The following CTSS variants were observed in gnomAD, a reference collection of about 807,000 sequenced individuals.
CTSS encodes cathepsin S.
Under a neutral mutation model 39.9 loss-of-function variants are expected in CTSS, and 15 were observed. That is an observed-to-expected ratio of 0.38 (90% confidence interval 0.25 to 0.58). The LOEUF (loss-of-function observed/expected upper bound fraction) is 0.58. Ranked by LOEUF, CTSS falls within the 20% of genes least tolerant of loss-of-function variation. The pLI, the probability that CTSS is intolerant of heterozygous loss-of-function variation, is 0.70. For missense variants in CTSS, 250 were observed against 398.2 expected (o/e 0.63, Z 3.17); for synonymous variants, 126 against 138.2 (o/e 0.91, Z 0.62).
At position 150,731,644 on chromosome 1, in the gene CTSS, G is replaced by C. The variant is rs1461004245; in HGVS notation, c.*1402C>G. The C allele has an allele frequency of 1.3e-5, 2 of 152,126 alleles. No homozygotes were observed. Among genetic ancestry groups the C allele is most frequent in the African/African-American group, 2.4e-5 (1 of 41,430 alleles). 9.4% of individuals were successfully genotyped at this position (152,126 alleles called of 1,614,324 possible). ...TGAACTTAAAAAATTTAAAGTTCCTGCTGCCTGCTTAGATGCATCTACTAA... is the reference window on the plus strand; with the variant it reads ...TGAACTTAAAAAATTTAAAGTTCCTCCTGCCTGCTTAGATGCATCTACTAA... On this transcript the variant is annotated 3_prime_UTR_variant, in exon 8 of 8. Transcript: ENST00000368985.
At chr1:150,751,701 C>CA in intron 5 of CTSS, 80 bp downstream of exon 5, 1 of 1,262,038 alleles carries the variant, frequency 7.9e-7, no homozygotes, top group Non-Finnish European at 1.1e-6. Flanking sequence ...AAGCAATTGG[C>CA]ATGGTGGCAA....
rs1289931981 is a variant in CTSS at position 150,732,185 on chromosome 1, AC to A, written c.*860del. ...TTCAGCCTCCCAAAGTGTTGGGATT[AC>A]AGGCATGAGCCACTACACGTGGCGT... On this transcript the variant is annotated 3_prime_UTR_variant, in exon 8 of 8. Transcript: ENST00000368985. 2 of 152,318 alleles carry A rather than the reference AC, an allele frequency of 1.3e-5. No individual in the cohort carries two copies. The highest frequency in any genetic ancestry group is 4.8e-5 in the African/African-American group (2 of 41,446). 9.4% of individuals were successfully genotyped at this position (152,318 alleles called of 1,614,324 possible).
At position 150,730,899 on chromosome 1, in the gene CTSS, T is replaced by C. The variant is rs1652505480; in HGVS notation, c.*2147A>G. The C allele has an allele frequency of 6.6e-6, 1 of 152,076 alleles. No individual in the cohort carries two copies. The allele number at this position is 152,076 out of a possible 1,614,324, so 9.4% of individuals were successfully genotyped here. Reference sequence around the variant, plus strand: ...CATGCATATTAATATATAACAAACTTATCTTTTAACATTTTAATAACTGTA... The same window carrying C: ...CATGCATATTAATATATAACAAACTCATCTTTTAACATTTTAATAACTGTA... On this transcript the variant is annotated 3_prime_UTR_variant, in exon 8 of 8. Transcript: ENST00000368985.
intron 4 of CTSS, among the ~76,000 whole-genome samples, chr1:150,752,943 T>C (rs1472251491): frequency 1.3e-5 from 2 of 152,106 alleles, no homozygotes; most frequent in East Asian, 3.8e-4. Flanking sequence ...AGCCTCAACC[T>C]CCCAGGCTCA....
At chr1:150,743,643 ATATAT>A (rs1652823520) in intron 7 of CTSS, among the ~76,000 whole-genome samples, 1 of 60,570 alleles carries the variant, frequency 1.7e-5, no homozygotes, top group Non-Finnish European at 4.5e-5. Flanking sequence ...ATAATATATT[ATATAT>A]GTATATTATG....
At position 150,755,672 on chromosome 1, in the gene CTSS, G is replaced by T. The variant is rs184085197; in HGVS notation, c.250-522C>A. Among the ~76,000 whole-genome samples the T allele has an allele frequency of 2.2e-4, 33 of 152,050 alleles. No homozygotes were observed. The East Asian group carries it at 5.8e-3, about 27-fold the overall frequency. ...GGAGAATCACTTGAGCCTGGGAGGC[G>T]GAGGTTGCAGTGAGCTGAGATCGCG... is the stretch of plus-strand genomic sequence containing the variant. On this transcript the variant is annotated intron_variant, in intron 3 of 7. Coordinates refer to ENST00000368985, the MANE Select transcript of CTSS (RefSeq NM_004079.5).
rs587771672 is a variant in CTSS, at chr1:150,751,083, G to A, written c.627+698C>T. ...ACATGGACACAATCCTTAGGTTATC[G>A]TTATATCAAAATGTATAATGAATTT... On this transcript the variant is annotated intron_variant, in intron 5 of 7. Transcript: ENST00000368985. Among the ~76,000 whole-genome samples the A allele has an allele frequency of 2.8e-4, 42 of 152,122 alleles. 1 individual carries two copies. The highest frequency in any genetic ancestry group is 9.6e-4 in the African/African-American group (40 of 41,498).
intron 2 of CTSS, among the ~76,000 whole-genome samples, chr1:150,759,804 G>A (rs1447983164): frequency 1.3e-5 from 2 of 152,088 alleles, no homozygotes; most frequent in African/African-American, 2.4e-5. Flanking sequence ...GAACCCCAGG[G>A]AGCAGTCAGC....
At position 150,732,981 on chromosome 1, in the gene CTSS, A is replaced by G. The variant is rs587745951; in HGVS notation, c.*65T>C. On this transcript the variant is annotated 3_prime_UTR_variant, in exon 8 of 8. Transcript: ENST00000368985. ...CACAATTATTTCTTCTGGATACAGC[A>G]GGAAAAATTAAGTTAAGAGAAAGTG... is the stretch of plus-strand genomic sequence containing the variant. 2 of 1,089,456 alleles carry G rather than the reference A, an allele frequency of 1.8e-6. No individual in the cohort carries two copies. The highest frequency in any genetic ancestry group is 1.6e-5 in the African/African-American group (1 of 63,686). The allele number at this position is 1,089,456 out of a possible 1,614,324, so 67.5% of individuals were successfully genotyped here.
intron 6 of CTSS, among the ~76,000 whole-genome samples, chr1:150,748,584 T>TC (rs1652941478): frequency 6.9e-6 from 1 of 144,708 alleles, no homozygotes; most frequent in African/African-American, 2.5e-5. Context: ...GATATTAGCT[T>TC]TTTTTTTTTT....
intron 3 of CTSS, among the ~76,000 whole-genome samples, chr1:150,756,708 C>CTTTTTTTTTTTTTTTTTTTTTCT (rs72242218): frequency 7.6e-6 from 1 of 131,182 alleles, no homozygotes; most frequent in Non-Finnish European, 1.6e-5. Context: ...TTCTTTCTTT[C>CTTTTTTTTTTTTTTTTTTTTTCT]TTTTTTTTTT....
intron 5 of CTSS, 27 bp downstream of exon 5, chr1:150,751,754 A>C (rs1176091116): frequency 6.3e-7 from 1 of 1,599,914 alleles, no homozygotes; most frequent in East Asian, 2.2e-5. Flanking sequence ...ATCATGGGGC[A>C]GCACAAAAAG....
At chr1:150,756,871 C>T (rs587664407) in intron 3 of CTSS, among the ~76,000 whole-genome samples, 284 of 152,134 alleles carry the variant, frequency 1.9e-3, no homozygotes, top group African/African-American at 6.7e-3. Context: ...CATGTGCCAC[C>T]ACGCCCAGCT....
At chr1:150,740,985 G>C (rs915038339) in intron 7 of CTSS, among the ~76,000 whole-genome samples, 1 of 151,972 alleles carries the variant, frequency 6.6e-6, no homozygotes, top group African/African-American at 2.4e-5. Flanking sequence ...ACTAAGCCTG[G>C]TTGGACATAC....
Position 150,750,127 on chromosome 1 carries a change from A to G in CTSS, c.672T>C (p.Cys224=), listed in dbSNP as rs1652980352. 6.2e-7 allele frequency: 1 copy of G among 1,613,594 alleles called. No homozygotes were observed. The highest frequency in any genetic ancestry group is 1.3e-5 in the African/African-American group (1 of 74,906). The part of the protein sequence containing the change: ...QYDSKYRAAT[C]SKYTELPYGR... ...CATAAGGAAGTTCAGTGTACTTTGA[A>G]CATGTGGCAGCACGATATTTTGAGT... Residue 224 remains cysteine (C), a synonymous_variant, in exon 6 of 8, where the codon TGT becomes TGC. Coordinates refer to ENST00000368985, the MANE Select transcript of CTSS (RefSeq NM_004079.5).
chr1:150,764,864 G>T, intron 1 of CTSS, 100 bp from the exon 2 acceptor site: 2 of 1,352,890 alleles, frequency 1.5e-6, no homozygotes, highest in Non-Finnish European at 2.1e-6. Flanking sequence ...GTCTATCAAA[G>T]GGACAGACTA....
chr1:150,757,810 AT>A, intron 3 of CTSS, 47 bp downstream of exon 3: 2 of 1,586,674 alleles, frequency 1.3e-6, no homozygotes, highest in Non-Finnish European at 8.6e-7. Flanking sequence ...CAGAAAGGAA[AT>A]GATATTTACC....
Position 150,751,933 on chromosome 1 carries a change from G to A in CTSS, c.475C>T (p.Leu159=). ...EAQLKLKTGK[L]VSLSAQNLVD... ...AGGTTCTGGGCACTGAGAGACACCA[G>A]CTTTCCTGTTTTCAGCTTCAGCTGT... The change falls in exon 5 of 8, where the codon CTG becomes TTG. Residue 159 remains leucine, a synonymous_variant. Transcript: ENST00000368985. The A allele has an allele frequency of 6.2e-7, 1 of 1,614,198 alleles. No individual in the cohort carries two copies. The highest frequency in any genetic ancestry group is 8.5e-7 in the Non-Finnish European group (1 of 1,180,042).
intron 7 of CTSS, among the ~76,000 whole-genome samples, chr1:150,742,183 A>G: frequency 1.7e-5 from 1 of 59,216 alleles, no homozygotes; most frequent in Non-Finnish European, 5.9e-5. Context: ...CTTGAACCTT[A>G]AAGGCAGAGG....
Sources: allele counts gnomAD v4.1 joint callset (sites outside exome capture counted in the v4.1 genomes callset), GRCh38; gene constraint gnomAD v4.1.1; transcripts MANE v1.5; gene names NCBI Gene and HGNC (gene_info 2026-07-23, HGNC 2026-07-21).